Variants in SLC25A41 observed in about 807,000 individuals in gnomAD.
SLC25A41 encodes the protein mitochondrial carrier protein SCaMC-3L.
A neutral mutation model predicts 34.7 loss-of-function variants in SLC25A41; 35 were observed. The observed-to-expected ratio is 1.01, with a 90% CI of 0.77 to 1.34. The LOEUF (loss-of-function observed/expected upper bound fraction) is 1.34. SLC25A41 is among the 40% of genes most tolerant of loss of function. The pLI, the probability that SLC25A41 is intolerant of heterozygous loss-of-function variation, is 0.00. For missense variants in SLC25A41, 492 were observed against 489.8 expected, an observed-to-expected ratio of 1.00 and a Z score of -0.04; for synonymous variants, 190 against 209.9, an observed-to-expected ratio of 0.91 and a Z score of 0.82.
At position 6,430,209 on chromosome 19, in the gene SLC25A41, C is replaced by A. The variant is rs558274139; in HGVS notation, c.364-48G>T. ...AGGAGCCCCTGCTCGCCTCTGTCTC[C>A]GTCCCCATCCCTGCCCCAAGCGCAG... On this transcript the variant is annotated intron_variant, in intron 2 of 6. Coordinates refer to ENST00000321510, the MANE Select transcript of SLC25A41 (RefSeq NM_173637.4). 9.7e-6 allele frequency: 15 copies of A among 1,549,122 alleles called. No individual in the cohort carries two copies. The South Asian group carries it at 1.7e-4, about 18-fold the overall frequency.
Position 6,429,109 on chromosome 19 carries a change from A to T in SLC25A41, c.624+615T>A, listed in dbSNP as rs1198411161. Reference sequence around the variant, plus strand: ...TTATATATATGTTACATATATATATAATATATATATTATATATATGTTATA... The same window carrying T: ...TTATATATATGTTACATATATATATTATATATATATTATATATATGTTATA... On this transcript the variant is annotated intron_variant, in intron 4 of 6. Transcript: ENST00000321510. 2.0e-4 allele frequency among the ~76,000 whole-genome samples: 7 copies of T among 35,606 alleles called. 1 individual carries two copies. The highest frequency in any genetic ancestry group is 7.4e-4 in the Admixed American group (1 of 1,344). The allele number at this position is 35,606 out of a possible 152,430, so 23.4% of individuals were successfully genotyped here.
rs1599253324 is a variant in SLC25A41 at position 6,427,547 on chromosome 19, C to CAAATCA, written c.625-47_625-46insTGATTT. On this transcript the variant is annotated intron_variant, in intron 4 of 6. Transcript: ENST00000321510. This position sits in a 1 kb window ranked among gnomAD's most constrained non-coding sequence, Gnocchi z 4.9. ...GGCAGCTCATTTGATTGAATCCTGTCAATGACCCTCGGGGTAGCCATTGTC... is the reference window on the plus strand; with the variant it reads ...GGCAGCTCATTTGATTGAATCCTGTCAAATCAAATGACCCTCGGGGTAGCCATTGTC... 6.9e-7 allele frequency: 1 copy of CAAATCA among 1,453,840 alleles called. No individual in the cohort carries two copies. Among genetic ancestry groups the CAAATCA allele is most frequent in the Non-Finnish European group, 9.1e-7 (1 of 1,095,226 alleles). The allele number at this position is 1,453,840 out of a possible 1,614,324, so 90.1% of individuals were successfully genotyped here.
intron 4 of SLC25A41, among the ~76,000 whole-genome samples, chr19:6,428,612 ATTAT>A (rs891098137): frequency 1.2e-3 from 184 of 147,480 alleles, no homozygotes; most frequent in Non-Finnish European, 1.3e-3. Flanking sequence ...GATACATTAA[ATTAT>A]TTAGTTATAT....
chr19:6,429,106 TA>T lies in SLC25A41; in HGVS notation c.624+617del, dbSNP rs1568349668. On this transcript the variant is annotated intron_variant, in intron 4 of 6. Coordinates refer to ENST00000321510, the MANE Select transcript of SLC25A41 (RefSeq NM_173637.4). ...ATATTATATATATGTTACATATATATATAATATATATATTATATATATGTTA... is the reference window on the plus strand; with the variant it reads ...ATATTATATATATGTTACATATATATTAATATATATATTATATATATGTTA... Among the ~76,000 whole-genome samples, 54 of 50,688 alleles carry T rather than the reference TA, an allele frequency of 1.1e-3. 12 individuals carry two copies. The highest frequency in any genetic ancestry group is 5.0e-3 in the Admixed American group (10 of 2,014). 33.3% of individuals were successfully genotyped at this position (50,688 alleles called of 152,430 possible).
intron 2 of SLC25A41, among the ~76,000 whole-genome samples, chr19:6,430,839 G>A (rs1411316639): frequency 6.6e-6 from 1 of 151,876 alleles, no homozygotes; most frequent in Admixed American, 6.6e-5. Flanking sequence ...TTCGAGACAG[G>A]ATCTTGTTCT....
chr19:6,430,433 CCTTT>C, intron 2 of SLC25A41: 1 of 544,258 alleles, frequency 1.8e-6, no homozygotes, highest in Non-Finnish European at 3.3e-6. Flanking sequence ...TCCATCCTTT[CCTTT>C]CTTTCTCCCT....
At chr19:6,428,049 T>A (rs2092252209) in intron 4 of SLC25A41, among the ~76,000 whole-genome samples, 1 of 152,066 alleles carries the variant, frequency 6.6e-6, no homozygotes, top group Non-Finnish European at 1.5e-5. Context: ...GCAGTGAAAC[T>A]ACTCCGTAAG....
At position 6,429,083 on chromosome 19, in the gene SLC25A41, ATT is replaced by A. The variant is rs2092261363; in HGVS notation, c.624+639_624+640del. 1.5e-4 allele frequency among the ~76,000 whole-genome samples: 7 copies of A among 46,556 alleles called. 2 individuals carry two copies. Among genetic ancestry groups the A allele is most frequent in the African/African-American group, 9.1e-4 (7 of 7,654 alleles). 30.5% of individuals were successfully genotyped at this position (46,556 alleles called of 152,430 possible). A position where few individuals can be genotyped will look rare whatever the true frequency, so the allele number is the denominator to read the frequency against. ...TGTTATATATATATATAATATATAT[ATT>A]ATATATATGTTACATATATATATAA... On this transcript the variant is annotated intron_variant, in intron 4 of 6. Transcript: ENST00000321510.
Position 6,427,943 on chromosome 19 carries a change from A to G in SLC25A41, c.625-442T>C, listed in dbSNP as rs971907560. On this transcript the variant is annotated intron_variant, in intron 4 of 6. Transcript: ENST00000321510. The surrounding 1 kb of genome is among the most constrained non-coding windows in gnomAD (Gnocchi z 4.9). ...CGAGAAAACATGCCCTCAAGCCTCA[A>G]AAATTGAAGACAGCTGGCAAAACTT... Among the ~76,000 whole-genome samples the G allele has an allele frequency of 1.3e-5, 2 of 152,210 alleles. No individual in the cohort carries two copies. The highest frequency in any genetic ancestry group is 1.3e-4 in the Admixed American group (2 of 15,272).
In SLC25A41 at chr19:6,428,751, A is replaced by C. The variant is rs1395149003; in HGVS notation, c.624+973T>G. 7.6e-5 allele frequency among the ~76,000 whole-genome samples: 11 copies of C among 145,084 alleles called. No individual in the cohort carries two copies. The Admixed American group carries it at 8.0e-4, about 10-fold the overall frequency. On this transcript the variant is annotated intron_variant, in intron 4 of 6. Coordinates refer to ENST00000321510, the MANE Select transcript of SLC25A41 (RefSeq NM_173637.4). Reference sequence around the variant, plus strand: ...TTTTGAGACAGGGTCTCCCTCTATCACCCAGGCTGGAGTGCAGTTGTGTCC... The same window carrying C: ...TTTTGAGACAGGGTCTCCCTCTATCCCCCAGGCTGGAGTGCAGTTGTGTCC...
Position 6,429,992 on chromosome 19 carries a change from G to A in SLC25A41, c.516+17C>T, listed in dbSNP as rs749862837. The A allele has an allele frequency of 8.1e-6, 13 of 1,609,514 alleles. No individual in the cohort carries two copies. The African/African-American group carries it at 1.5e-4, about 18-fold the overall frequency. ...GTTTGGGCTTGAGCTGGGGGAAGCA[G>A]GCCCCTCATTCCCCACCTGCTCGAA... On this transcript the variant is annotated intron_variant, in intron 3 of 6. Transcript: ENST00000321510.
In SLC25A41 at chr19:6,433,632, C is replaced by A; in HGVS notation, c.62G>T (p.Arg21Met). ...TCSRIQTLFR[R>M]VKTLLIKAPP... ...GGCTTTGATGAGTAAGGTCTTGACC[C>A]TCCTAAACAGTGTCTGGATCCTAGA... Residue 21 changes from arginine to methionine, a missense_variant, in exon 1 of 7, where the codon AGG (arginine) becomes ATG (methionine). Physicochemically the swap from Arg to Met is moderately conservative, Grantham distance 91. Coordinates refer to ENST00000321510, the MANE Select transcript of SLC25A41 (RefSeq NM_173637.4). 6.2e-7 allele frequency: 1 copy of A among 1,608,524 alleles called. No homozygotes were observed. Among genetic ancestry groups the A allele is most frequent in the Non-Finnish European group, 8.5e-7 (1 of 1,176,602 alleles).
rs751698243 is a variant in SLC25A41 at position 6,430,119 on chromosome 19, G to GC, written c.405dup (p.Leu136AlafsTer27). ...CCGCCCTCCTGGACCATGCTCTGTA[G>GC]CCCCCCCAGCAGGTTGGTGAAGTTC... is the stretch of plus-strand genomic sequence containing the variant. On this transcript the variant is annotated frameshift_variant, in exon 3 of 7. Coordinates refer to ENST00000321510, the MANE Select transcript of SLC25A41 (RefSeq NM_173637.4). LOFTEE classifies it high-confidence loss of function. The GC allele has an allele frequency of 2.0e-4, 317 of 1,612,976 alleles. No homozygotes were observed. Among genetic ancestry groups the GC allele is most frequent in the Middle Eastern group, 6.6e-4 (4 of 6,058 alleles).
Position 6,430,061 on chromosome 19 carries a change from T to C in SLC25A41, c.464A>G (p.Asn155Ser), listed in dbSNP as rs1271132176. 2.5e-6 allele frequency: 4 copies of C among 1,612,232 alleles called. No homozygotes were observed. Among genetic ancestry groups the C allele is most frequent in the Non-Finnish European group, 3.4e-6 (4 of 1,179,176 alleles). ...ATACTCAGGAGCAATCTTGAGCACG[T>C]TGATGCCGTTGCCCCGCCACAGGGA... is the stretch of plus-strand genomic sequence containing the variant. ...FRSLWRGNGI[N>S]VLKIAPEYAI... Residue 155 changes from asparagine to serine, a missense_variant, in exon 3 of 7, where the codon AAC (asparagine) becomes AGC (serine). Coordinates refer to ENST00000321510, the MANE Select transcript of SLC25A41 (RefSeq NM_173637.4).
In SLC25A41 at chr19:6,427,881, G is replaced by A. The variant is rs2092251358; in HGVS notation, c.625-380C>T. 6.6e-6 allele frequency among the ~76,000 whole-genome samples: 1 copy of A among 152,024 alleles called. No individual in the cohort carries two copies. Among genetic ancestry groups the A allele is most frequent in the Non-Finnish European group, 1.5e-5 (1 of 68,008 alleles). On this transcript the variant is annotated intron_variant, in intron 4 of 6. Transcript: ENST00000321510. The surrounding 1 kb of genome is among the most constrained non-coding windows in gnomAD (Gnocchi z 4.9). ...ATGGAAACATCAACATGGGAGAACA[G>A]CCTGGAAAACTGATTAAGAATAACA...
chr19:6,435,848 C>T (rs970256381), upstream of SLC25A41, among the ~76,000 whole-genome samples: 3 of 151,758 alleles, frequency 2.0e-5, no homozygotes, highest in African/African-American at 7.3e-5. Flanking sequence ...CAGAGTAAGA[C>T]CCAGTCTCTA....
chr19:6,433,349 C>T (rs1158000844), intron 1 of SLC25A41, 138 bp downstream of exon 1: 2 of 858,598 alleles, frequency 2.3e-6, no homozygotes, highest in East Asian at 2.6e-5. Flanking sequence ...CGCGCCCTGC[C>T]TCCCTGCCCC....
chr19:6,430,941 G>A (rs1354799603), intron 2 of SLC25A41, among the ~76,000 whole-genome samples: 1 of 151,714 alleles, frequency 6.6e-6, no homozygotes, highest in Non-Finnish European at 1.5e-5. Flanking sequence ...AGCCTTCCAA[G>A]TAGCTGGGAC....
Position 6,429,781 on chromosome 19 carries a change from A to G in SLC25A41, c.567T>C (p.Arg189=). 2 of 1,610,104 alleles carry G rather than the reference A, an allele frequency of 1.2e-6. No homozygotes were observed. The highest frequency in any genetic ancestry group is 1.7e-4 in the Middle Eastern group (1 of 6,038). ...CCACAGCCAGGGAGCCAGCAAGGAG[A>G]CGCTCCTGGAAGGGCGGGGACCCTT... ...GIQGSPPFQE[R]LLAGSLAVAI... The change falls in exon 4 of 7, where the codon CGT becomes CGC. Residue 189 remains arginine, a synonymous_variant. Transcript: ENST00000321510.
Sources: gnomAD v4.1 joint callset for allele counts (sites outside exome capture counted in the v4.1 genomes callset) on GRCh38, gnomAD v4.1.1 for gene constraint, Gnocchi (gnomAD v3.1) non-coding constraint, MANE v1.5 for transcripts, NCBI Gene and HGNC (gene_info 2026-07-23, HGNC 2026-07-21) for gene names.